QTGAL: variants seen among roughly 807,000 people sequenced by gnomAD.
QTGAL encodes BGnT-like protein 1.
At chr17:82,946,828 G>A in the QTGAL span, 4 of 1,387,174 alleles carry the variant, frequency 2.9e-6, no homozygotes, top group Non-Finnish European at 3.0e-6. Flanking sequence ...AAAAGGAAAT[G>A]AAACATAATA....
the QTGAL span, chr17:82,949,607 G>C: frequency 3.9e-5 from 6 of 152,230 alleles, no homozygotes; most frequent in Admixed American, 3.9e-4. Context: ...GGTCGGCAGA[G>C]TGCAGGATAC....
At chr17:83,030,866 G>A in the QTGAL span, 1 of 152,284 alleles carries the variant, frequency 6.6e-6, no homozygotes, top group South Asian at 2.1e-4. Context: ...GGAGTCGGGG[G>A]ACAGGAGGGT....
the QTGAL span, among the ~76,000 whole-genome samples, chr17:83,037,244 G>A: frequency 6.6e-6 from 1 of 152,152 alleles, no homozygotes; most frequent in Non-Finnish European, 1.5e-5. The surrounding 1 kb of genome is among the most constrained non-coding windows in gnomAD (Gnocchi z 5.2). Context: ...GGAAGGCAGG[G>A]CTCCCACCCC....
chr17:83,014,514 G>A, the QTGAL span: 164 of 1,613,948 alleles, frequency 1.0e-4, no homozygotes, highest in Non-Finnish European at 1.3e-4. Flanking sequence ...GCATCATGAC[G>A]TCATCCTGCA....
the QTGAL span, among the ~76,000 whole-genome samples, chr17:83,017,330 A>G: frequency 6.6e-6 from 1 of 152,210 alleles, no homozygotes; most frequent in Admixed American, 6.5e-5. Context: ...AAATAGCTAG[A>G]AGACTTTTAT....
At chr17:83,035,873 G>A in the QTGAL span, among the ~76,000 whole-genome samples, 192 of 100,290 alleles carry the variant, frequency 1.9e-3, no homozygotes, top group East Asian at 7.9e-3. Flanking sequence ...CGGTTTGCAC[G>A]TGTGTGATGA....
chr17:82,974,051 C>T, the QTGAL span, among the ~76,000 whole-genome samples: 2 of 152,204 alleles, frequency 1.3e-5, no homozygotes. Flanking sequence ...CTCCACGCTC[C>T]ATGGGCGACT....
chr17:82,991,628 T>TA, the QTGAL span, among the ~76,000 whole-genome samples: 2 of 152,068 alleles, frequency 1.3e-5, no homozygotes, highest in Admixed American at 1.3e-4. Flanking sequence ...ATATGACAAA[T>TA]ACCTATCTCT....
the QTGAL span, among the ~76,000 whole-genome samples, chr17:82,973,633 A>G: frequency 6.6e-6 from 1 of 151,926 alleles, no homozygotes; most frequent in African/African-American, 2.4e-5. Context: ...CCTGGGACAC[A>G]GGAGGGAACC....
the QTGAL span, among the ~76,000 whole-genome samples, chr17:83,044,899 T>C: frequency 8.5e-4 from 129 of 151,498 alleles, no homozygotes; most frequent in African/African-American, 3.0e-3. Flanking sequence ...TGAGCTGAGA[T>C]CGTGCCACTG....
At chr17:82,965,745 A>C in the QTGAL span, 1 of 1,610,196 alleles carries the variant, frequency 6.2e-7, no homozygotes, top group Non-Finnish European at 8.5e-7. Flanking sequence ...TGAGGTGAAA[A>C]CCTAGAAGCA....
chr17:82,989,156 T>C, the QTGAL span, among the ~76,000 whole-genome samples: 2 of 152,166 alleles, frequency 1.3e-5, no homozygotes, highest in Admixed American at 6.5e-5. Flanking sequence ...CATGGAATAT[T>C]ATGTAGTCAT....
the QTGAL span, among the ~76,000 whole-genome samples, chr17:82,968,254 T>C: frequency 1.3e-5 from 2 of 152,158 alleles, no homozygotes; most frequent in African/African-American, 4.8e-5. Context: ...AGCCCCAGAC[T>C]GGAGGCCCCC....
At chr17:82,987,024 G>A in the QTGAL span, among the ~76,000 whole-genome samples, 3 of 152,158 alleles carry the variant, frequency 2.0e-5, no homozygotes, top group Non-Finnish European at 2.9e-5. Context: ...ACACAGTCTC[G>A]AACACCATAA....
chr17:82,969,471 A>C, the QTGAL span, among the ~76,000 whole-genome samples: 1 of 151,934 alleles, frequency 6.6e-6, no homozygotes, highest in South Asian at 2.1e-4. Context: ...GGCCTCCCAA[A>C]GTGCTGGGAT....
the QTGAL span, among the ~76,000 whole-genome samples, chr17:82,961,769 T>A: frequency 4.1e-3 from 617 of 152,342 alleles, 6 homozygotes; most frequent in African/African-American, 0.014. Context: ...ACTCCCTCCA[T>A]GTCAGTGGGA....
the QTGAL span, among the ~76,000 whole-genome samples, chr17:83,036,745 G>A: frequency 3.9e-5 from 6 of 152,258 alleles, no homozygotes; most frequent in South Asian, 6.2e-4. Context: ...CCCTGTGGGC[G>A]GTGGGCAGTC....
chr17:83,029,735 C>T, the QTGAL span, among the ~76,000 whole-genome samples: 6 of 152,178 alleles, frequency 3.9e-5, no homozygotes, highest in East Asian at 1.9e-4. Context: ...CTCCACCCAA[C>T]GTATCACCAG....
At chr17:83,008,103 T>TCTCAAGAGGAGGAGG in the QTGAL span, among the ~76,000 whole-genome samples, 2 of 152,210 alleles carry the variant, frequency 1.3e-5, no homozygotes, top group South Asian at 4.1e-4. Flanking sequence ...AGAGGTGCGC[T>TCTCAAGAGGAGGAGG]ATGCGCTTAA....
Sources: allele counts gnomAD v4.1 joint callset (sites outside exome capture counted in the v4.1 genomes callset), GRCh38; gene constraint gnomAD v4.1.1; non-coding constraint Gnocchi (gnomAD v3.1); transcripts MANE v1.5; gene names NCBI Gene and HGNC (gene_info 2026-07-23, HGNC 2026-07-21).